The following RABGAP1L variants were observed in gnomAD, a reference collection of about 807,000 sequenced individuals.
RABGAP1L encodes RAB GTPase activating protein 1 like.
In RABGAP1L, 63 loss-of-function variants were observed where a neutral mutation model predicts 137.7. That is an observed-to-expected ratio of 0.46 (90% CI 0.37 to 0.56). The LOEUF is 0.56. Among genes scored for constraint, RABGAP1L ranks in the 20% least tolerant of loss-of-function variants. The probability of loss-of-function intolerance (pLI) is 0.00; values close to 1 mark genes in which losing one functional copy is unlikely to be tolerated. For synonymous variants in RABGAP1L, 431 were observed against 433.7 expected (o/e 0.99, Z 0.08); for missense variants, 1,095 against 1,244.0 (o/e 0.88, Z 1.80).
At chr1:174,223,025 T>A (rs773635866) in intron 3 of RABGAP1L, among the ~76,000 whole-genome samples, 7 of 151,114 alleles carry the variant, frequency 4.6e-5, no homozygotes, top group African/African-American at 9.7e-5. Context: ...ATCCCACCAC[T>A]TTGGGAGGCC....
At chr1:174,534,775 C>CAAAA (rs71117567) in intron 13 of RABGAP1L, among the ~76,000 whole-genome samples, 75 of 71,612 alleles carry the variant, frequency 1.0e-3, no homozygotes, top group East Asian at 2.3e-3. Context: ...ACTCTGTCTC[C>CAAAA]AAAAAAAAAA....
At chr1:174,328,665 G>C (rs1453360683) in intron 11 of RABGAP1L, among the ~76,000 whole-genome samples, 1 of 152,244 alleles carries the variant, frequency 6.6e-6, no homozygotes, top group South Asian at 2.1e-4. Flanking sequence ...AGCTACTTGG[G>C]AGGCTGAGGC....
At position 174,619,654 on chromosome 1, in the gene RABGAP1L, A is replaced by G. The variant is rs556015415; in HGVS notation, c.1711-17721A>G. 1.0e-3 allele frequency among the ~76,000 whole-genome samples: 155 copies of G among 152,368 alleles called. 1 individual carries two copies. Among genetic ancestry groups the G allele is most frequent in the African/African-American group, 3.6e-3 (150 of 41,574 alleles). ...CCTGAAGGAAGCGCTAAACATGGAA[A>G]GGAACAAACAGTACCAGCCACTGCA... is the stretch of plus-strand genomic sequence containing the variant. On this transcript the variant is annotated intron_variant, in intron 13 of 25. Coordinates refer to ENST00000681986, the MANE Select transcript of RABGAP1L (RefSeq NM_001366446.1).
At chr1:174,728,704 C>T (rs1682208819) in intron 17 of RABGAP1L, among the ~76,000 whole-genome samples, 5 of 148,682 alleles carry the variant, frequency 3.4e-5, no homozygotes, top group Admixed American at 2.0e-4. Context: ...TGCAGTGGTA[C>T]GATCTCGGCT....
chr1:174,852,138 C>T (rs771551838), intron 19 of RABGAP1L, among the ~76,000 whole-genome samples: 12 of 152,006 alleles, frequency 7.9e-5, no homozygotes, highest in Non-Finnish European at 1.6e-4. Flanking sequence ...ATTGATAGTA[C>T]TTTTGTAAAC....
intron 13 of RABGAP1L, among the ~76,000 whole-genome samples, chr1:174,598,275 C>T (rs1167673019): frequency 6.8e-6 from 1 of 147,368 alleles, no homozygotes; most frequent in Non-Finnish European, 1.5e-5. Flanking sequence ...TTGCAGTGAG[C>T]CGAGATCGCA....
At chr1:174,406,420 G>A (rs1395062971) in intron 13 of RABGAP1L, among the ~76,000 whole-genome samples, 1 of 152,072 alleles carries the variant, frequency 6.6e-6, no homozygotes, top group Non-Finnish European at 1.5e-5. Context: ...TTCATATTAT[G>A]GAATTAGAGT....
chr1:174,521,273 C>T (rs1246153967), intron 13 of RABGAP1L, among the ~76,000 whole-genome samples: 1 of 152,134 alleles, frequency 6.6e-6, no homozygotes, highest in Non-Finnish European at 1.5e-5. Flanking sequence ...AGCATCTGTT[C>T]ATTTTAAATC....
chr1:174,982,308 C>T (rs367707161), intron 23 of RABGAP1L, among the ~76,000 whole-genome samples: 30 of 152,182 alleles, frequency 2.0e-4, no homozygotes, highest in East Asian at 9.7e-4. Flanking sequence ...CACCAGGCCG[C>T]GGTGTGTGAT....
At chr1:174,500,162 C>T (rs1661127673) in intron 13 of RABGAP1L, among the ~76,000 whole-genome samples, 1 of 151,844 alleles carries the variant, frequency 6.6e-6, no homozygotes, top group African/African-American at 2.4e-5. Flanking sequence ...TCACTGCAAC[C>T]TCCGCCTCCC....
intron 18 of RABGAP1L, among the ~76,000 whole-genome samples, chr1:174,808,807 C>A (rs1274239318): frequency 6.6e-6 from 1 of 151,996 alleles, no homozygotes; most frequent in Non-Finnish European, 1.5e-5. Context: ...GCATGCGCCA[C>A]CACGCCTGGC....
chr1:174,327,982 C>CATATATAT (rs1558136090), intron 11 of RABGAP1L, among the ~76,000 whole-genome samples: 2 of 24,758 alleles, frequency 8.1e-5, no homozygotes, highest in African/African-American at 1.5e-4. Flanking sequence ...TATATATACA[C>CATATATAT]ACACATATAT....
intron 11 of RABGAP1L, among the ~76,000 whole-genome samples, chr1:174,331,531 T>G (rs1681033289): frequency 6.6e-6 from 1 of 152,188 alleles, no homozygotes; most frequent in South Asian, 2.1e-4. Context: ...AGGTTTATGA[T>G]AAAACGCTCA....
At chr1:174,423,495 C>G (rs894061851) in intron 13 of RABGAP1L, among the ~76,000 whole-genome samples, 2 of 151,934 alleles carry the variant, frequency 1.3e-5, no homozygotes, top group African/African-American at 4.8e-5. Context: ...CTCAAATGAA[C>G]TGCATAATAT....
chr1:174,288,110 C>G (rs1041827769), intron 10 of RABGAP1L, among the ~76,000 whole-genome samples: 1 of 151,870 alleles, frequency 6.6e-6, no homozygotes, highest in East Asian at 1.9e-4. Flanking sequence ...CACTTTTACT[C>G]CCCCATCTCT....
rs116436021 is a variant in RABGAP1L at position 174,981,227 on chromosome 1, A to G, written c.2734-1607A>G. Among the ~76,000 whole-genome samples the G allele has an allele frequency of 3.0e-3, 451 of 152,338 alleles. 3 individuals are homozygous for G. The highest frequency in any genetic ancestry group is 0.01 in the African/African-American group (426 of 41,578). On this transcript the variant is annotated intron_variant, in intron 23 of 25. Transcript: ENST00000681986. Reference sequence around the variant, plus strand: ...ATAAGACACAATCTAAATGCATTCTATAGTTGGAATTGGCTATTACTGGCT... The same window carrying G: ...ATAAGACACAATCTAAATGCATTCTGTAGTTGGAATTGGCTATTACTGGCT...
At chr1:174,975,807 C>T (rs1198987451) in intron 21 of RABGAP1L, among the ~76,000 whole-genome samples, 1 of 152,160 alleles carries the variant, frequency 6.6e-6, no homozygotes, top group Non-Finnish European at 1.5e-5. Flanking sequence ...TGTGTGACCC[C>T]AGACAGTTTG....
At position 174,448,072 on chromosome 1, in the gene RABGAP1L, G is replaced by A; in HGVS notation, c.1710+53927G>A. ...CAGATGCTGGGCAGGGCATCTGCTTGCTGTAGCCAAGTCTGCAGGTGTCTT... is the reference window on the plus strand; with the variant it reads ...CAGATGCTGGGCAGGGCATCTGCTTACTGTAGCCAAGTCTGCAGGTGTCTT... On this transcript the variant is annotated intron_variant, in intron 13 of 25. Transcript: ENST00000681986. The surrounding 1 kb of genome is among the most constrained non-coding windows in gnomAD (Gnocchi z 4.2). 6.4e-7 allele frequency: 1 copy of A among 1,565,938 alleles called. No homozygotes were observed. The highest frequency in any genetic ancestry group is 2.2e-5 in the East Asian group (1 of 44,616).
intron 12 of RABGAP1L, among the ~76,000 whole-genome samples, chr1:174,393,158 ATAAG>A (rs1387447010): frequency 6.6e-6 from 1 of 152,128 alleles, no homozygotes; most frequent in Non-Finnish European, 1.5e-5. Context: ...GTAAAGCCTG[ATAAG>A]TATGTGTTGC....
Sources: allele counts gnomAD v4.1 joint callset (sites outside exome capture counted in the v4.1 genomes callset), GRCh38; gene constraint gnomAD v4.1.1; non-coding constraint Gnocchi (gnomAD v3.1); transcripts MANE v1.5; gene names NCBI Gene and HGNC (gene_info 2026-07-23, HGNC 2026-07-21).